Variants in KALRN observed in about 807,000 individuals in gnomAD.
KALRN encodes the protein kalirin.
Under a neutral mutation model 353.7 loss-of-function variants are expected in KALRN, and 70 were observed. The observed-to-expected ratio is 0.20, with a 90% confidence interval of 0.16 to 0.24. The LOEUF is 0.24. Among genes scored for constraint, KALRN ranks in the 10% least tolerant of loss-of-function variants. The pLI is 1.00. For synonymous variants in KALRN, 1,391 were observed against 1,434.8 expected (o/e 0.97, Z 0.69); for missense variants, 2,791 against 3,756.7 (o/e 0.74, Z 6.72).
chr3:124,183,565 A>G (rs1312279080), intron 1 of KALRN, among the ~76,000 whole-genome samples: 2 of 152,174 alleles, frequency 1.3e-5, no homozygotes, highest in African/African-American at 4.8e-5. Flanking sequence ...TTGGGTGGGG[A>G]CAAACATCCA....
At chr3:124,369,068 A>T (rs992870966) in intron 10 of KALRN, among the ~76,000 whole-genome samples, 6 of 152,146 alleles carry the variant, frequency 3.9e-5, no homozygotes, top group Non-Finnish European at 7.4e-5. Context: ...GGGGAGAGGG[A>T]GAGGGAGAGG....
intron 1 of KALRN, among the ~76,000 whole-genome samples, chr3:124,132,035 C>G (rs1226298752): frequency 6.6e-6 from 1 of 152,148 alleles, no homozygotes; most frequent in Non-Finnish European, 1.5e-5. Flanking sequence ...GAACAGTCTT[C>G]TTTTCATGTG....
chr3:124,628,570 CA>C (rs1212475770), intron 34 of KALRN, among the ~76,000 whole-genome samples: 8 of 127,258 alleles, frequency 6.3e-5, no homozygotes, highest in Admixed American at 2.7e-4. Flanking sequence ...CTTTTCTTTT[CA>C]TTTCTTTTCT....
Position 124,490,758 on chromosome 3 carries a change from C to T in KALRN, c.4461C>T (p.Asp1487=), listed in dbSNP as rs1181902690. The T allele has an allele frequency of 6.2e-7, 1 of 1,613,712 alleles. No individual in the cohort carries two copies. The highest frequency in any genetic ancestry group is 8.5e-7 in the Non-Finnish European group (1 of 1,179,852). The change falls in exon 30 of 60, where the codon GAC becomes GAT. Residue 1487 remains aspartate, a synonymous_variant. Transcript: ENST00000682506. The part of the protein sequence containing the change: ...LILQDAFQVW[D]PKSLIRKGRE... ...TCCAGGATGCCTTTCAAGTGTGGGA[C>T]CCGAAGTCGCTGATCCGGAAGGGGC... is the stretch of plus-strand genomic sequence containing the variant.
intron 1 of KALRN, among the ~76,000 whole-genome samples, chr3:124,076,148 T>G (rs149039116): frequency 6.6e-6 from 1 of 152,204 alleles, no homozygotes; most frequent in Non-Finnish European, 1.5e-5. Flanking sequence ...AGGAGCCCAA[T>G]TGGGAAGCTC....
rs187098137 is a variant in KALRN at position 124,240,319 on chromosome 3, A to T, written c.263+5376A>T. On this transcript the variant is annotated intron_variant, in intron 3 of 59. Transcript: ENST00000682506. The stretch of plus-strand genomic sequence containing the variant: ...TCGGATCCCAGCTCTACCTTTCTGC[A>T]GCTGGGAAACATATGGCCCCTCAAC... Among the ~76,000 whole-genome samples the T allele has an allele frequency of 1.8e-4, 27 of 152,358 alleles. 1 individual carries two copies. Among genetic ancestry groups the T allele is most frequent in the African/African-American group, 6.3e-4 (26 of 41,576 alleles).
At chr3:124,705,859 C>G (rs925007601) in intron 57 of KALRN, among the ~76,000 whole-genome samples, 1 of 149,624 alleles carries the variant, frequency 6.7e-6, no homozygotes, top group Admixed American at 6.6e-5. Flanking sequence ...TTCCCTCCCT[C>G]CCTTCCTTCC....
chr3:124,555,125 C>T (rs1338195241), intron 33 of KALRN, among the ~76,000 whole-genome samples: 1 of 152,110 alleles, frequency 6.6e-6, no homozygotes, highest in East Asian at 1.9e-4. Flanking sequence ...TGCTTCCACT[C>T]CCTGGGGCTG....
At chr3:124,398,953 T>A in intron 13 of KALRN, 82 bp downstream of exon 13, 1 of 1,415,396 alleles carries the variant, frequency 7.1e-7, no homozygotes, top group East Asian at 2.4e-5. Flanking sequence ...GGCAGGGCAG[T>A]AGCCTAAGGA....
chr3:124,239,186 C>T (rs2080144364), intron 3 of KALRN, among the ~76,000 whole-genome samples: 1 of 152,238 alleles, frequency 6.6e-6, no homozygotes, highest in East Asian at 1.9e-4. Context: ...TGATGAATGT[C>T]CCTAGAAATT....
In KALRN at chr3:124,144,647, T is replaced by TTCCTCA. The variant is rs535403398; in HGVS notation, c.74-83337_74-83332dup. The stretch of plus-strand genomic sequence containing the variant: ...CCTCCTCTTCCTCATCCTCCTCCTC[T>TTCCTCA]TCCTCATCCTCTTCCTCTTCCTCAT... On this transcript the variant is annotated intron_variant, in intron 1 of 59. Coordinates refer to ENST00000682506, the MANE Select transcript of KALRN (RefSeq NM_001388419.1). Among the ~76,000 whole-genome samples the TTCCTCA allele has an allele frequency of 6.6e-4, 100 of 150,490 alleles. No individual in the cohort carries two copies. The South Asian group carries it at 0.014, about 21-fold the overall frequency.
rs1222687023 is a variant in KALRN at position 124,432,701 on chromosome 3, A to G, written c.2830-1606A>G. ...TATTCACAGTGCTTGAAATGACTAT[A>G]TTCCACATGACTGCATATGCAATAT... On this transcript the variant is annotated intron_variant, in intron 16 of 59. Coordinates refer to ENST00000682506, the MANE Select transcript of KALRN (RefSeq NM_001388419.1). Among the ~76,000 whole-genome samples the G allele has an allele frequency of 2.6e-5, 4 of 152,208 alleles. No individual in the cohort carries two copies. The East Asian group carries it at 7.7e-4, about 29-fold the overall frequency.
chr3:124,614,448 C>CA (rs1211782801), intron 34 of KALRN, among the ~76,000 whole-genome samples: 1 of 151,422 alleles, frequency 6.6e-6, no homozygotes, highest in African/African-American at 2.4e-5. Flanking sequence ...TTTACAGAAA[C>CA]AGAGTTTCGC....
At chr3:124,594,964 T>G (rs923749799) in intron 34 of KALRN, among the ~76,000 whole-genome samples, 1 of 151,810 alleles carries the variant, frequency 6.6e-6, no homozygotes, top group Admixed American at 6.6e-5. Context: ...TTTTTTAAAT[T>G]TTTTTAAAAA....
chr3:124,375,081 T>C (rs1240750415), intron 10 of KALRN, among the ~76,000 whole-genome samples: 1 of 152,174 alleles, frequency 6.6e-6, no homozygotes, highest in Non-Finnish European at 1.5e-5. Context: ...CTTCATTGTT[T>C]TGCCATTTCC....
At chr3:124,093,913 G>A (rs2061270314) in intron 1 of KALRN, among the ~76,000 whole-genome samples, 1 of 152,190 alleles carries the variant, frequency 6.6e-6, no homozygotes, top group Admixed American at 6.5e-5. Context: ...AAGGGCAGGA[G>A]CAAAGTCCTG....
chr3:124,422,756 A>T (rs999150770), intron 14 of KALRN, 56 bp from the exon 15 acceptor site: 2 of 1,438,588 alleles, frequency 1.4e-6, no homozygotes, highest in East Asian at 4.6e-5. Flanking sequence ...ATTGAAGGGA[A>T]TGTAGCCTTC....
chr3:124,717,101 C>G (rs1034369544), intron 58 of KALRN, 146 bp from the exon 59 acceptor site: 1 of 598,972 alleles, frequency 1.7e-6, no homozygotes, highest in East Asian at 3.0e-5. Context: ...TAGGCTCTAA[C>G]TAAATATGCA....
At chr3:124,344,321 G>A (rs1175293034) in intron 9 of KALRN, among the ~76,000 whole-genome samples, 3 of 152,188 alleles carry the variant, frequency 2.0e-5, no homozygotes, top group Non-Finnish European at 4.4e-5. Flanking sequence ...AGCGTGTAAT[G>A]TAATTGTCAG....
Sources: gnomAD v4.1 joint callset for allele counts (sites outside exome capture counted in the v4.1 genomes callset) on GRCh38, gnomAD v4.1.1 for gene constraint, MANE v1.5 for transcripts, NCBI Gene and HGNC (gene_info 2026-07-23, HGNC 2026-07-21) for gene names.